Variants in GPR89B observed in about 807,000 individuals in gnomAD.
The protein encoded by GPR89B is golgi pH regulator B, also known as G protein-coupled receptor 89B.
GPR89B carries 25 observed loss-of-function variants against 52.4 expected under a neutral mutation model. The observed-to-expected ratio is 0.48, with a 90% CI of 0.35 to 0.67. The LOEUF is 0.67. GPR89B is among the 30% of genes least tolerant of loss of function. The pLI, the probability that GPR89B is intolerant of heterozygous loss-of-function variation, is 0.01. For synonymous variants in GPR89B, 52 were observed against 151.2 expected (o/e 0.34, Z 4.81); for missense variants, 146 against 450.2 (o/e 0.32, Z 6.11).
chr1:147,962,155 G>A (rs1656625784), intron 7 of GPR89B, among the ~76,000 whole-genome samples: 1 of 151,830 alleles, frequency 6.6e-6, no homozygotes, highest in Non-Finnish European at 1.5e-5. Flanking sequence ...CAGGCACGGT[G>A]GCTCACGTCT....
the GPR89B span, among the ~76,000 whole-genome samples, chr1:148,016,859 AATCTTT>A: frequency 6.6e-6 from 1 of 150,938 alleles, no homozygotes; most frequent in Non-Finnish European, 1.5e-5. Context: ...TTTAAAAAAA[AATCTTT>A]TGTCTGTGAG....
intron 4 of GPR89B, 97 bp from the exon 5 acceptor site, chr1:147,943,900 A>T (rs2149044804): frequency 1.4e-6 from 1 of 692,510 alleles, no homozygotes. Flanking sequence ...GTGAATTAGC[A>T]GCCAAATATT....
chr1:148,013,916 G>A, the GPR89B span, among the ~76,000 whole-genome samples: 16 of 151,864 alleles, frequency 1.1e-4, no homozygotes, highest in Admixed American at 5.9e-4. Context: ...AGCGGGTAGG[G>A]AGAGGGCGCG....
At chr1:147,960,522 C>T (rs1656454003) in intron 7 of GPR89B, among the ~76,000 whole-genome samples, 1 of 151,892 alleles carries the variant, frequency 6.6e-6, no homozygotes, top group Non-Finnish European at 1.5e-5. Context: ...ACTAGGTGGG[C>T]TTAACAGGAG....
At chr1:147,982,027 A>G (rs1194414126) in intron 10 of GPR89B, among the ~76,000 whole-genome samples, 4 of 151,816 alleles carry the variant, frequency 2.6e-5, no homozygotes, top group Admixed American at 1.3e-4. Context: ...TTGCTGTGTC[A>G]TATGCTAAGT....
At chr1:148,007,345 G>A in the GPR89B span, among the ~76,000 whole-genome samples, 94 of 152,236 alleles carry the variant, frequency 6.2e-4, 1 homozygote, top group East Asian at 0.016. Flanking sequence ...AAAGTGCTGG[G>A]ATTACAGGCG....
intron 1 of GPR89B, among the ~76,000 whole-genome samples, chr1:147,932,052 T>TTAAAATTTTTG (rs1653675611): frequency 6.6e-6 from 1 of 152,166 alleles, no homozygotes; most frequent in Non-Finnish European, 1.5e-5. Context: ...GCTTGTTTTC[T>TTAAAATTTTTG]CTTCCATTTC....
intron 10 of GPR89B, among the ~76,000 whole-genome samples, chr1:147,983,899 T>A (rs1482378985): frequency 3.3e-5 from 5 of 152,072 alleles, no homozygotes; most frequent in African/African-American, 1.2e-4. Flanking sequence ...GTGGCACTAT[T>A]CACAATAGCA....
intron 5 of GPR89B, among the ~76,000 whole-genome samples, chr1:147,950,721 C>T (rs1475772826): frequency 2.0e-4 from 31 of 151,894 alleles, no homozygotes; most frequent in African/African-American, 5.8e-4. Context: ...ACTCGCAGTT[C>T]GGAGCTGGAG....
intron 11 of GPR89B, 53 bp downstream of exon 11, chr1:147,986,347 A>G: frequency 1.2e-6 from 2 of 1,606,566 alleles, no homozygotes; most frequent in Non-Finnish European, 1.7e-6. Flanking sequence ...TATCTGCTAT[A>G]ACTTATCATT....
intron 10 of GPR89B, among the ~76,000 whole-genome samples, chr1:147,984,862 A>G (rs1658550036): frequency 6.6e-6 from 1 of 152,080 alleles, no homozygotes; most frequent in Non-Finnish European, 1.5e-5. Flanking sequence ...GTGTAAGAAC[A>G]TATTTTGTAT....
chr1:147,991,751 A>T lies in GPR89B; in HGVS notation c.1096-751A>T, dbSNP rs1219929834. The stretch of plus-strand genomic sequence containing the variant: ...TCTGTTTATATGCTGGATTATGTTT[A>T]TTGATTTGCATATGTTGAACCAGCC... On this transcript the variant is annotated intron_variant, in intron 12 of 13. Coordinates refer to ENST00000314163, the MANE Select transcript of GPR89B (RefSeq NM_016334.5). Among the ~76,000 whole-genome samples the T allele has an allele frequency of 5.4e-3, 825 of 152,254 alleles. 8 individuals are homozygous for T. Among genetic ancestry groups the T allele is most frequent in the African/African-American group, 0.019 (781 of 41,532 alleles).
intron 10 of GPR89B, among the ~76,000 whole-genome samples, chr1:147,979,788 C>T (rs1284354): frequency 0.026 from 3,649 of 142,104 alleles, 59 homozygotes; most frequent in African/African-American, 0.051. Context: ...GCTAAAATTA[C>T]GTTAAGAATG....
chr1:147,954,862 CTAAT>C (rs1656002897), intron 7 of GPR89B, among the ~76,000 whole-genome samples: 1 of 151,908 alleles, frequency 6.6e-6, no homozygotes, highest in Non-Finnish European at 1.5e-5. Flanking sequence ...TTAAATCAAG[CTAAT>C]TAACATGTCT....
At chr1:148,022,734 C>CT in the GPR89B span, among the ~76,000 whole-genome samples, 2 of 138,362 alleles carry the variant, frequency 1.4e-5, no homozygotes, top group Non-Finnish European at 3.1e-5. Context: ...GTTTTTTTGA[C>CT]TTTTTTCTAT....
chr1:147,996,613 C>CT, downstream of GPR89B: 2 of 1,611,728 alleles, frequency 1.2e-6, no homozygotes, highest in South Asian at 2.2e-5. Flanking sequence ...AGAGTTTAGG[C>CT]TTATGATCTT....
intron 10 of GPR89B, among the ~76,000 whole-genome samples, chr1:147,972,037 G>C (rs1378738143): frequency 6.6e-6 from 1 of 151,712 alleles, no homozygotes; most frequent in Non-Finnish European, 1.5e-5. Context: ...ATATTAGTTT[G>C]TATTTTCTAG....
At chr1:147,977,183 G>A (rs1358537969) in intron 10 of GPR89B, among the ~76,000 whole-genome samples, 15 of 127,252 alleles carry the variant, frequency 1.2e-4, no homozygotes, top group Admixed American at 1.2e-3. Context: ...GCAGTGAGCC[G>A]AGACTATGCC....
the GPR89B span, chr1:148,010,768 G>A: frequency 1.3e-5 from 2 of 152,280 alleles, no homozygotes; most frequent in African/African-American, 4.8e-5. Flanking sequence ...AGAGACAAAG[G>A]CCTGGATGAA....
Sources: gnomAD v4.1 joint callset for allele counts (sites outside exome capture counted in the v4.1 genomes callset) on GRCh38, gnomAD v4.1.1 for gene constraint, MANE v1.5 for transcripts, NCBI Gene and HGNC (gene_info 2026-07-23, HGNC 2026-07-21) for gene names.